FSTL5: variants seen among roughly 807,000 people sequenced by gnomAD.
FSTL5 encodes follistatin-related protein 5.
Under a neutral mutation model 89.1 loss-of-function variants are expected in FSTL5, and 62 were observed. The observed-to-expected ratio is 0.70, with a 90% CI of 0.57 to 0.86. The LOEUF (loss-of-function observed/expected upper bound fraction) is 0.86, where lower values mean the gene tolerates loss of function less well. FSTL5 is among the 40% of genes least tolerant of loss of function. The pLI is 0.00. For synonymous variants in FSTL5, 383 were observed against 346.2 expected, an observed-to-expected ratio of 1.11 and a Z score of -1.18; for missense variants, 1,057 against 1,001.6, an observed-to-expected ratio of 1.06 and a Z score of -0.75.
intron 3 of FSTL5, among the ~76,000 whole-genome samples, chr4:161,933,258 G>A (rs1199174898): frequency 6.6e-6 from 1 of 152,048 alleles, no homozygotes; most frequent in Non-Finnish European, 1.5e-5. Context: ...CACAGCCACA[G>A]GATCCCACTA....
chr4:161,465,586 A>C (rs1434706240), intron 13 of FSTL5, among the ~76,000 whole-genome samples: 1 of 152,142 alleles, frequency 6.6e-6, no homozygotes, highest in East Asian at 1.9e-4. Context: ...CGGCAGTATA[A>C]TTTACACTTG....
At chr4:161,936,697 G>C (rs75730329) in intron 3 of FSTL5, among the ~76,000 whole-genome samples, 5,728 of 152,192 alleles carry the variant, frequency 0.038, 166 homozygotes, top group Middle Eastern at 0.11. Flanking sequence ...CCTCCCTTAT[G>C]CAATCCTGGT....
At chr4:161,599,074 C>A (rs1734139841) in intron 7 of FSTL5, among the ~76,000 whole-genome samples, 1 of 151,878 alleles carries the variant, frequency 6.6e-6, no homozygotes, top group Non-Finnish European at 1.5e-5. Context: ...TTGGACAAAG[C>A]AACCCATTAT....
At chr4:161,801,889 C>A (rs1729806592) in intron 4 of FSTL5, among the ~76,000 whole-genome samples, 1 of 151,444 alleles carries the variant, frequency 6.6e-6, no homozygotes, top group African/African-American at 2.4e-5. Context: ...TTTCTCTTAG[C>A]AAATAAATTG....
chr4:161,919,422 T>C (rs1157539901), intron 4 of FSTL5, among the ~76,000 whole-genome samples: 8 of 152,178 alleles, frequency 5.3e-5, no homozygotes, highest in Admixed American at 2.6e-4. Context: ...GGAAATAATA[T>C]TGTGTTAGAG....
chr4:162,051,130 T>C (rs914214139), intron 2 of FSTL5, among the ~76,000 whole-genome samples: 2 of 151,418 alleles, frequency 1.3e-5, no homozygotes, highest in African/African-American at 2.4e-5. Context: ...TTGGTTCAAA[T>C]AGGAAACAAA....
At position 162,083,255 on chromosome 4, in the gene FSTL5, ATTGT is replaced by A. The variant is rs553121423; in HGVS notation, c.126+28012_126+28015del. Among the ~76,000 whole-genome samples, 18 of 151,904 alleles carry A rather than the reference ATTGT, an allele frequency of 1.2e-4. No homozygotes were observed. In the East Asian group the frequency reaches 3.1e-3, roughly 26 times the overall value. On this transcript the variant is annotated intron_variant, in intron 2 of 15. Transcript: ENST00000306100. Reference sequence around the variant, plus strand: ...AACATACAAGTACTAACATTTTGTGATTGTTTTGTATTTAATGGCTAAGAAAATG... The same window carrying A: ...AACATACAAGTACTAACATTTTGTGATTTGTATTTAATGGCTAAGAAAATG...
intron 3 of FSTL5, among the ~76,000 whole-genome samples, chr4:161,934,493 G>T (rs1278563852): frequency 6.6e-6 from 1 of 152,050 alleles, no homozygotes; most frequent in Non-Finnish European, 1.5e-5. Flanking sequence ...TAACTCATAT[G>T]TAACTTTTTA....
intron 15 of FSTL5, among the ~76,000 whole-genome samples, chr4:161,433,102 CCAGA>C (rs1732435371): frequency 7.9e-6 from 1 of 126,504 alleles, no homozygotes; most frequent in African/African-American, 2.9e-5. Flanking sequence ...GTTACCAAAA[CCAGA>C]CAAAGACACA....
intron 8 of FSTL5, among the ~76,000 whole-genome samples, chr4:161,569,758 AACACACACACACAC>A (rs56387876): frequency 0.017 from 2,245 of 134,408 alleles, 67 homozygotes; most frequent in Admixed American, 0.063. Flanking sequence ...CCAACACACA[AACACACACACACAC>A]ACACACACAC....
intron 3 of FSTL5, among the ~76,000 whole-genome samples, chr4:161,926,269 A>C (rs1734118793): frequency 6.6e-6 from 1 of 151,902 alleles, no homozygotes; most frequent in Non-Finnish European, 1.5e-5. Context: ...CCACTACTGA[A>C]CGACAATCCT....
chr4:161,549,917 T>C (rs905497621), intron 8 of FSTL5, among the ~76,000 whole-genome samples: 1 of 151,912 alleles, frequency 6.6e-6, no homozygotes, highest in Non-Finnish European at 1.5e-5. Flanking sequence ...TCACTGACTA[T>C]TGAATAAGTG....
chr4:162,094,100 T>G (rs1579022093), intron 2 of FSTL5, among the ~76,000 whole-genome samples: 1 of 152,168 alleles, frequency 6.6e-6, no homozygotes, highest in East Asian at 1.9e-4. Context: ...AAGAATTATC[T>G]GCTAAAGGCT....
intron 3 of FSTL5, among the ~76,000 whole-genome samples, chr4:162,025,108 T>C (rs908241702): frequency 2.0e-5 from 3 of 152,076 alleles, no homozygotes; most frequent in Non-Finnish European, 2.9e-5. Flanking sequence ...CCATGCATCA[T>C]GGTAAAAACA....
intron 15 of FSTL5, among the ~76,000 whole-genome samples, chr4:161,401,512 T>C (rs755401691): frequency 2.6e-5 from 4 of 151,986 alleles, no homozygotes; most frequent in Non-Finnish European, 5.9e-5. Context: ...ATATACCTAG[T>C]TGTTTATTTT....
In FSTL5 at chr4:161,474,543, TG is replaced by T. The variant is rs201090944; in HGVS notation, c.1608+6476del. Among the ~76,000 whole-genome samples the T allele has an allele frequency of 6.0e-5, 6 of 100,080 alleles. 1 individual carries two copies. The highest frequency in any genetic ancestry group is 8.9e-5 in the Non-Finnish European group (4 of 45,068). The allele number at this position is 100,080 out of a possible 152,430, so 65.7% of individuals were successfully genotyped here. A position where few individuals can be genotyped will look rare whatever the true frequency, so the allele number is the denominator to read the frequency against. On this transcript the variant is annotated intron_variant, in intron 13 of 15. Transcript: ENST00000306100. ...CACATGACTTCAAGTTATTGTGTAG[TG>T]GTTTTTTTTTTTTTTGAGATGGGCG...
At chr4:161,634,790 A>C (rs185144581) in intron 7 of FSTL5, among the ~76,000 whole-genome samples, 1 of 152,270 alleles carries the variant, frequency 6.6e-6, no homozygotes, top group Admixed American at 6.5e-5. Flanking sequence ...TCTATTATGC[A>C]GGATGATTGA....
chr4:161,617,237 AAAT>A (rs1734906724), intron 7 of FSTL5, among the ~76,000 whole-genome samples: 1 of 152,112 alleles, frequency 6.6e-6, no homozygotes, highest in Non-Finnish European at 1.5e-5. Context: ...TAGGGAACTT[AAAT>A]ATCCTTGTAA....
intron 7 of FSTL5, among the ~76,000 whole-genome samples, chr4:161,620,571 G>A (rs1428900854): frequency 2.0e-5 from 3 of 152,226 alleles, no homozygotes; most frequent in African/African-American, 7.2e-5. Flanking sequence ...TAGGAGAATC[G>A]CTTGAACGCG....
Sources: allele counts gnomAD v4.1 joint callset (sites outside exome capture counted in the v4.1 genomes callset), GRCh38; gene constraint gnomAD v4.1.1; transcripts MANE v1.5; gene names NCBI Gene and HGNC (gene_info 2026-07-23, HGNC 2026-07-21).